PLEKHH2: variants seen among roughly 807,000 people sequenced by gnomAD.
PLEKHH2 encodes the protein pleckstrin homology, MyTH4 and FERM domain containing H2.
Under a neutral mutation model 187.9 loss-of-function variants are expected in PLEKHH2, and 129 were observed. The observed-to-expected ratio is 0.69, with a 90% CI of 0.59 to 0.79. The LOEUF (loss-of-function observed/expected upper bound fraction) is 0.79. PLEKHH2 is among the 30% of genes least tolerant of loss of function. The pLI, the probability that PLEKHH2 is intolerant of heterozygous loss-of-function variation, is 0.00. For synonymous variants in PLEKHH2, 686 were observed against 605.6 expected, an observed-to-expected ratio of 1.13 and a Z score of -1.95; for missense variants, 2,076 against 1,751.2, an observed-to-expected ratio of 1.19 and a Z score of -3.31.
In PLEKHH2 at chr2:43,659,345, C is replaced by A. The variant is rs558538538; in HGVS notation, c.123+14549C>A. ...CTCGCCTGGTCGTTCTTGTTTAACA[C>A]CTCCCTGCTGTTTTTCTTCTTTTTT... On this transcript the variant is annotated intron_variant, in intron 2 of 29. Transcript: ENST00000282406. Among the ~76,000 whole-genome samples the A allele has an allele frequency of 2.0e-5, 3 of 151,922 alleles. No homozygotes were observed. The East Asian group carries it at 5.8e-4, about 29-fold the overall frequency.
chr2:43,731,585 G>C lies in PLEKHH2; in HGVS notation c.2926G>C (p.Ala976Pro). Residue 976 changes from alanine (A) to proline (P), a missense_variant, in exon 19 of 30, where the codon GCT becomes CCT. By Grantham distance (27) the Ala-to-Pro change is conservative. Coordinates refer to ENST00000282406, the MANE Select transcript of PLEKHH2 (RefSeq NM_172069.4). The stretch of plus-strand genomic sequence containing the variant: ...ACCTTCCGAAGCCCTGCAGACAGAA[G>C]CTATTAAATTATTTAAGGTAAAATA... ...TLPSEALQTE[A>P]IKLFKTCQLF... 1 of 1,567,084 alleles carries C rather than the reference G, an allele frequency of 6.4e-7. No homozygotes were observed. Among genetic ancestry groups the C allele is most frequent in the East Asian group, 2.2e-5 (1 of 44,562 alleles).
chr2:43,710,739 G>A, intron 14 of PLEKHH2, 164 bp downstream of exon 14: 2 of 1,405,578 alleles, frequency 1.4e-6, no homozygotes, highest in Non-Finnish European at 1.9e-6. Context: ...CGAATTTTTG[G>A]TTAAAACTAT....
At chr2:43,654,210 T>A (rs1666628629) in intron 2 of PLEKHH2, among the ~76,000 whole-genome samples, 1 of 152,174 alleles carries the variant, frequency 6.6e-6, no homozygotes, top group Non-Finnish European at 1.5e-5. Context: ...TTTATTTATT[T>A]ATTGAGACGG....
chr2:43,675,186 A>G (rs912704088), intron 2 of PLEKHH2: 4 of 439,810 alleles, frequency 9.1e-6, no homozygotes, highest in African/African-American at 6.1e-5. Flanking sequence ...AATGCAAAAT[A>G]TCCAAAACAT....
chr2:43,673,827 C>A (rs564370817), intron 2 of PLEKHH2, among the ~76,000 whole-genome samples: 1 of 152,134 alleles, frequency 6.6e-6, no homozygotes, highest in African/African-American at 2.4e-5. Flanking sequence ...CCTTTAAGTT[C>A]AGTATTCTTT....
chr2:43,657,647 T>C (rs1666858167), intron 2 of PLEKHH2, among the ~76,000 whole-genome samples: 1 of 152,224 alleles, frequency 6.6e-6, no homozygotes, highest in Non-Finnish European at 1.5e-5. Flanking sequence ...TGGATCACCT[T>C]CTGGTTGTCT....
intron 15 of PLEKHH2, among the ~76,000 whole-genome samples, chr2:43,715,848 G>A (rs954595979): frequency 1.3e-5 from 2 of 152,148 alleles, no homozygotes; most frequent in Admixed American, 6.5e-5. Context: ...TGGAGGGCTG[G>A]ATTGGAGAGA....
rs540211354 is a variant in PLEKHH2 at position 43,650,177 on chromosome 2, G to A, written c.123+5381G>A. Among the ~76,000 whole-genome samples, 13 of 106,412 alleles carry A rather than the reference G, an allele frequency of 1.2e-4. No homozygotes were observed. The East Asian group carries it at 2.8e-3, about 23-fold the overall frequency. The allele number at this position is 106,412 out of a possible 152,430, so 69.8% of individuals were successfully genotyped here. A position where few individuals can be genotyped will look rare whatever the true frequency, so the allele number is the denominator to read the frequency against. Reference sequence around the variant, plus strand: ...TTTTTTTTTTTTTTTCTGAGATGGAGTTTTGCTTTGTTGCCCAGGCTGAAG... The same window carrying A: ...TTTTTTTTTTTTTTTCTGAGATGGAATTTTGCTTTGTTGCCCAGGCTGAAG... On this transcript the variant is annotated intron_variant, in intron 2 of 29. Transcript: ENST00000282406.
chr2:43,720,832 C>G, intron 16 of PLEKHH2, 83 bp downstream of exon 16: 1 of 1,495,382 alleles, frequency 6.7e-7, no homozygotes, highest in Non-Finnish European at 8.8e-7. Context: ...TCTTCTCTTA[C>G]TTTGTAAAAC....
In PLEKHH2 at chr2:43,692,663, G is replaced by A; in HGVS notation, c.336G>A (p.Gln112=). The change falls in exon 4 of 30, where the codon CAG becomes CAA. Residue 112 remains glutamine, a splice_region_variant and synonymous_variant. Coordinates refer to ENST00000282406, the MANE Select transcript of PLEKHH2 (RefSeq NM_172069.4). ...ACTTGGAATTGCAACTTGAAGAGCA[G>A]GTTAGGAAGAATTTGATAAAGAGTT... The part of the protein sequence containing the change: ...IQNLELQLEE[Q]KQIRIQEAKI... 6.2e-7 allele frequency: 1 copy of A among 1,612,126 alleles called. No homozygotes were observed. Among genetic ancestry groups the A allele is most frequent in the Non-Finnish European group, 8.5e-7 (1 of 1,179,212 alleles).
chr2:43,749,569 T>C (rs1159411385), intron 24 of PLEKHH2, among the ~76,000 whole-genome samples: 1 of 152,242 alleles, frequency 6.6e-6, no homozygotes, highest in Non-Finnish European at 1.5e-5. Flanking sequence ...GATGATTACC[T>C]TGTTTAAAAG....
At chr2:43,690,875 C>G (rs934710904) in intron 3 of PLEKHH2, among the ~76,000 whole-genome samples, 1 of 152,040 alleles carries the variant, frequency 6.6e-6, no homozygotes, top group Admixed American at 6.6e-5. Context: ...GTTTGTGAGT[C>G]AAAGAACTAA....
At chr2:43,670,276 G>A (rs968427428) in intron 2 of PLEKHH2, among the ~76,000 whole-genome samples, 4 of 152,106 alleles carry the variant, frequency 2.6e-5, no homozygotes, top group Admixed American at 1.3e-4. Flanking sequence ...CAAGGACTTC[G>A]TATTAAGCAG....
chr2:43,667,627 C>T (rs1002907979), intron 2 of PLEKHH2, among the ~76,000 whole-genome samples: 4 of 152,208 alleles, frequency 2.6e-5, no homozygotes, highest in Admixed American at 6.5e-5. Flanking sequence ...GAAGTACAAA[C>T]ATATGCTACA....
chr2:43,693,856 C>T (rs960553526), intron 4 of PLEKHH2, among the ~76,000 whole-genome samples: 1 of 151,226 alleles, frequency 6.6e-6, no homozygotes, highest in Non-Finnish European at 1.5e-5. Context: ...AGCATTTTTT[C>T]CCCATTTCTT....
chr2:43,684,113 A>G (rs757732532), intron 3 of PLEKHH2, among the ~76,000 whole-genome samples: 1 of 152,132 alleles, frequency 6.6e-6, no homozygotes, highest in South Asian at 2.1e-4. Context: ...ATTTTGACAA[A>G]TGTATAATGC....
intron 10 of PLEKHH2, among the ~76,000 whole-genome samples, chr2:43,706,910 T>C (rs919388631): frequency 1.2e-4 from 18 of 152,182 alleles, no homozygotes; most frequent in African/African-American, 4.1e-4. Flanking sequence ...TTAAAAATCA[T>C]ATGCTGGCTG....
intron 11 of PLEKHH2, among the ~76,000 whole-genome samples, chr2:43,709,705 G>T (rs191165289): frequency 6.6e-6 from 1 of 152,090 alleles, no homozygotes; most frequent in East Asian, 1.9e-4. Flanking sequence ...GCGTGGTGGC[G>T]CACACCTGTA....
intron 26 of PLEKHH2, among the ~76,000 whole-genome samples, chr2:43,758,179 C>G (rs995753827): frequency 3.9e-5 from 6 of 152,208 alleles, no homozygotes; most frequent in Non-Finnish European, 8.8e-5. Context: ...CACCTTGCAT[C>G]TAACATCTCT....
Sources: gnomAD v4.1 joint callset for allele counts (sites outside exome capture counted in the v4.1 genomes callset) on GRCh38, gnomAD v4.1.1 for gene constraint, MANE v1.5 for transcripts, NCBI Gene and HGNC (gene_info 2026-07-23, HGNC 2026-07-21) for gene names.